Variants in CYS1 observed in about 807,000 individuals in gnomAD.
CYS1 encodes cystin-1.
CYS1 carries 5 observed loss-of-function variants against 9.6 expected under a neutral mutation model. That is an observed-to-expected ratio of 0.52 (90% CI 0.27 to 1.10). The LOEUF is 1.10. Among genes scored for constraint, CYS1 ranks in the 50% least tolerant of loss-of-function variants. CYS1 has a pLI of 0.11. For missense variants in CYS1, 221 were observed against 207.9 expected (o/e 1.06, Z -0.39); for synonymous variants, 88 against 95.7 (o/e 0.92, Z 0.47).
At chr2:10,078,733 A>G (rs1413035518) in intron 1 of CYS1, among the ~76,000 whole-genome samples, 2 of 152,164 alleles carry the variant, frequency 1.3e-5, no homozygotes, top group Non-Finnish European at 2.9e-5. Flanking sequence ...AGACTTCTTT[A>G]AGGCAAGGGC....
chr2:10,058,864 A>ACTCC lies in CYS1; in HGVS notation c.462_465dup (p.Tyr156GlyfsTer31). The ACTCC allele has an allele frequency of 6.3e-7, 1 of 1,579,420 alleles. No homozygotes were observed. Among genetic ancestry groups the ACTCC allele is most frequent in the Non-Finnish European group, 8.6e-7 (1 of 1,163,274 alleles). ...GGAGCATGCTGTCCTCAGCGGCAGT[A>ACTCC]CTCCCGCTCGATGCTCGCCATCAGC... is the stretch of plus-strand genomic sequence containing the variant. On this transcript the variant is annotated frameshift_variant, in exon 3 of 3. Transcript: ENST00000381813. LOFTEE classifies it high-confidence loss of function.
At chr2:10,070,098 T>G (rs1661744715) in intron 1 of CYS1, among the ~76,000 whole-genome samples, 1 of 152,146 alleles carries the variant, frequency 6.6e-6, no homozygotes, top group South Asian at 2.1e-4. Flanking sequence ...AGTCACGCAC[T>G]TCTATTTCTA....
At chr2:10,064,620 C>T (rs1369341360) in intron 2 of CYS1, among the ~76,000 whole-genome samples, 2 of 152,206 alleles carry the variant, frequency 1.3e-5, no homozygotes, top group Admixed American at 6.5e-5. Context: ...CTACCACCCC[C>T]ACCTGTCCAC....
chr2:10,058,978 C>CA lies in CYS1; in HGVS notation c.372-21dup. 6.4e-7 allele frequency: 1 copy of CA among 1,558,922 alleles called. No homozygotes were observed. The highest frequency in any genetic ancestry group is 8.7e-7 in the Non-Finnish European group (1 of 1,152,804). ...GGGGCTCTGTGGGTCAGAAATGGGA[C>CA]AGGGCTGTCAGGAGGCAGGATGGTG... On this transcript the variant is annotated intron_variant, in intron 2 of 2. Transcript: ENST00000381813.
chr2:10,076,719 G>A lies in CYS1; in HGVS notation c.318+3187C>T, dbSNP rs140073758. ...AACAGCGTGCTCAACCCCTGGCCTCGTCCCACGTTAGTTCACATACACGAA... is the reference window on the plus strand; with the variant it reads ...AACAGCGTGCTCAACCCCTGGCCTCATCCCACGTTAGTTCACATACACGAA... On this transcript the variant is annotated intron_variant, in intron 1 of 2. Coordinates refer to ENST00000381813, the MANE Select transcript of CYS1 (RefSeq NM_001037160.3). The surrounding 1 kb of genome is among the most constrained non-coding windows in gnomAD (Gnocchi z 4.3). Among the ~76,000 whole-genome samples the A allele has an allele frequency of 3.5e-3, 529 of 152,144 alleles. 10 individuals are homozygous for A. The highest frequency in any genetic ancestry group is 1.7e-3 in the Non-Finnish European group (119 of 68,006).
Position 10,058,957 on chromosome 2 carries a change from C to T in CYS1, c.373G>A (p.Ala125Thr), listed in dbSNP as rs774232020. Reference sequence around the variant, plus strand: ...GGCTTCTTGCGACCGCTGCCTGGGGCTCTGTGGGTCAGAAATGGGACAGGG... The same window carrying T: ...GGCTTCTTGCGACCGCTGCCTGGGGTTCTGTGGGTCAGAAATGGGACAGGG... ...GHPGSGNVSE[A>T]PGSGRKKPER... is the part of the protein sequence containing the mutation. Residue 125 changes from alanine to threonine, a missense_variant and splice_region_variant, in exon 3 of 3, where the codon GCC becomes ACC. Coordinates refer to ENST00000381813, the MANE Select transcript of CYS1 (RefSeq NM_001037160.3). 1.0e-5 allele frequency: 16 copies of T among 1,579,396 alleles called. No individual in the cohort carries two copies. The highest frequency in any genetic ancestry group is 1.8e-5 in the Admixed American group (1 of 55,702).
chr2:10,072,190 C>T (rs949456665), intron 1 of CYS1, among the ~76,000 whole-genome samples: 3 of 152,034 alleles, frequency 2.0e-5, no homozygotes, highest in African/African-American at 4.8e-5. Context: ...TCAAGTGATT[C>T]CCCTGCCTCA....
intron 2 of CYS1, among the ~76,000 whole-genome samples, chr2:10,064,713 TA>T (rs1661672149): frequency 6.6e-6 from 1 of 151,460 alleles, no homozygotes; most frequent in Non-Finnish European, 1.5e-5. Context: ...TTTATATTTT[TA>T]TTTATTTATT....
At chr2:10,077,546 C>T (rs1471461313) in intron 1 of CYS1, among the ~76,000 whole-genome samples, 5 of 152,118 alleles carry the variant, frequency 3.3e-5, no homozygotes, top group African/African-American at 7.2e-5. Context: ...TGTTATTGGC[C>T]GGGTGCAGTG....
At chr2:10,059,520 A>T (rs1369661890) in intron 2 of CYS1, among the ~76,000 whole-genome samples, 1 of 152,102 alleles carries the variant, frequency 6.6e-6, no homozygotes, top group Non-Finnish European at 1.5e-5. Context: ...AACGTGGTGA[A>T]ATCTCATCTC....
At chr2:10,066,856 G>A (rs1235962829) in intron 1 of CYS1, among the ~76,000 whole-genome samples, 1 of 152,098 alleles carries the variant, frequency 6.6e-6, no homozygotes, top group Admixed American at 6.5e-5. Flanking sequence ...TTTTTCTAGG[G>A]TTGTATTAAA....
intron 1 of CYS1, among the ~76,000 whole-genome samples, chr2:10,077,760 C>T (rs1207868964): frequency 2.0e-5 from 3 of 152,104 alleles, no homozygotes; most frequent in Non-Finnish European, 4.4e-5. Flanking sequence ...CCTTCCGCCT[C>T]GAATAATCTG....
At chr2:10,061,740 G>A (rs368233905) in intron 2 of CYS1, among the ~76,000 whole-genome samples, 72 of 152,324 alleles carry the variant, frequency 4.7e-4, no homozygotes, top group Middle Eastern at 3.4e-3. Flanking sequence ...TGAGAGGTCA[G>A]GCTCCACTGG....
At chr2:10,065,180 G>A (rs1661678775) in intron 2 of CYS1, among the ~76,000 whole-genome samples, 1 of 152,228 alleles carries the variant, frequency 6.6e-6, no homozygotes, top group Non-Finnish European at 1.5e-5. Flanking sequence ...GGGGCTCAGG[G>A]TAGGACCTCC....
At chr2:10,067,874 T>C (rs1383332989) in intron 1 of CYS1, among the ~76,000 whole-genome samples, 3 of 152,228 alleles carry the variant, frequency 2.0e-5, no homozygotes, top group Non-Finnish European at 4.4e-5. Context: ...CCCCTAACCT[T>C]TCTGCACTGG....
At chr2:10,067,646 A>G (rs1424794850) in intron 1 of CYS1, among the ~76,000 whole-genome samples, 4 of 151,892 alleles carry the variant, frequency 2.6e-5, no homozygotes, top group Non-Finnish European at 5.9e-5. Flanking sequence ...GACTCAAACA[A>G]TCCTCCCATC....
chr2:10,073,969 GCTC>G (rs1661810434), intron 1 of CYS1, among the ~76,000 whole-genome samples: 1 of 152,146 alleles, frequency 6.6e-6, no homozygotes, highest in Non-Finnish European at 1.5e-5. Context: ...GAGGCTGCCC[GCTC>G]CTCCCCCGGG....
intron 1 of CYS1, among the ~76,000 whole-genome samples, chr2:10,071,289 G>T (rs1432856592): frequency 6.6e-6 from 1 of 152,170 alleles, no homozygotes; most frequent in African/African-American, 2.4e-5. Context: ...TAAAGCTAAG[G>T]CAGGACATCC....
Position 10,058,541 on chromosome 2 carries a change from C to T in CYS1, c.*312G>A, listed in dbSNP as rs1408982593. Reference sequence around the variant, plus strand: ...AGCCCTCCCCACTGTGGAGAGCGGGCAACCAAGAGGGGCACGCATTTCAGG... The same window carrying T: ...AGCCCTCCCCACTGTGGAGAGCGGGTAACCAAGAGGGGCACGCATTTCAGG... On this transcript the variant is annotated 3_prime_UTR_variant, in exon 3 of 3. Coordinates refer to ENST00000381813, the MANE Select transcript of CYS1 (RefSeq NM_001037160.3). 4 of 289,050 alleles carry T rather than the reference C, an allele frequency of 1.4e-5. No individual in the cohort carries two copies. The highest frequency in any genetic ancestry group is 2.0e-5 in the Non-Finnish European group (3 of 152,622). The allele number at this position is 289,050 out of a possible 1,614,324, so 17.9% of individuals were successfully genotyped here.
Sources: allele counts gnomAD v4.1 joint callset (sites outside exome capture counted in the v4.1 genomes callset), GRCh38; gene constraint gnomAD v4.1.1; non-coding constraint Gnocchi (gnomAD v3.1); transcripts MANE v1.5; gene names NCBI Gene and HGNC (gene_info 2026-07-23, HGNC 2026-07-21).